Variants in BCORL1 observed in about 807,000 individuals in gnomAD.
BCORL1 encodes BCL-6 corepressor-like protein 1.
A neutral mutation model predicts 87.6 loss-of-function variants in BCORL1; 7 were observed. That is an observed-to-expected ratio of 0.08 (90% CI 0.05 to 0.15). The LOEUF (loss-of-function observed/expected upper bound fraction) is 0.15, where lower values mean the gene tolerates loss of function less well. Among genes scored for constraint, BCORL1 ranks in the 10% least tolerant of loss-of-function variants. The pLI is 1.00. For missense variants in BCORL1, 1,215 were observed against 1,499.7 expected, an observed-to-expected ratio of 0.81 and a Z score of 3.13; for synonymous variants, 591 against 634.4, an observed-to-expected ratio of 0.93 and a Z score of 1.03.
chrX:130,032,288 G>A (rs1439400955), intron 8 of BCORL1, among the ~76,000 whole-genome samples: 1 of 111,332 alleles, frequency 9.0e-6, no homozygotes, highest in Non-Finnish European at 1.9e-5. Context: ...TGGAGGATCT[G>A]CTTCTGGGGT....
Position 130,015,007 on chromosome X carries a change from C to G in BCORL1, c.2235C>G (p.Leu745=). 1 of 1,211,988 alleles carries G rather than the reference C, an allele frequency of 8.3e-7. No individual in the cohort carries two copies. The highest frequency in any genetic ancestry group is 1.1e-6 in the Non-Finnish European group (1 of 895,586). ...GCCTCAACCGTGACCCCCGCCATCT[C>G]CCCAAGCAGGAGCCCATCTCCATCA... ...NLGLNRDPRH[L]PKQEPISIID... The change falls in exon 4 of 14, where the codon CTC becomes CTG. Residue 745 remains leucine (L), a synonymous_variant. Coordinates refer to ENST00000540052, the MANE Select transcript of BCORL1 (RefSeq NM_001379451.1).
Position 130,015,558 on chromosome X carries a change from A to C in BCORL1, c.2786A>C (p.Gln929Pro). 1 of 1,212,314 alleles carries C rather than the reference A, an allele frequency of 8.2e-7. No homozygotes were observed. Among genetic ancestry groups the C allele is most frequent in the East Asian group, 3.0e-5 (1 of 33,870 alleles). Residue 929 changes from glutamine (Q) to proline (P), a missense_variant, in exon 4 of 14, where the codon CAG (glutamine) becomes CCG (proline). Physicochemically the swap from Gln to Pro is moderately conservative, Grantham distance 76 (BLOSUM62 -1). This residue lies in a region of BCORL1 where 861 missense variants were observed against 1,010.0 expected (regional missense o/e 0.85). Coordinates refer to ENST00000540052, the MANE Select transcript of BCORL1 (RefSeq NM_001379451.1). ...CCTGTCCTCTTGACCCTCAGCCCTCAGACTGGGACCCTGGCACTGTCTGTT... is the reference window on the plus strand; with the variant it reads ...CCTGTCCTCTTGACCCTCAGCCCTCCGACTGGGACCCTGGCACTGTCTGTT... Reference protein sequence around the residue: ...VNPVLLTLSPQTGTLALSVQP... With the variant: ...VNPVLLTLSPPTGTLALSVQP...
At chrX:130,036,873 C>T (rs191808612) in intron 9 of BCORL1, among the ~76,000 whole-genome samples, 349 of 111,728 alleles carry the variant, frequency 3.1e-3, no homozygotes, top group African/African-American at 0.01. Flanking sequence ...AGGCCAGGTG[C>T]GGTGGCTCAC....
chrX:129,991,880 G>A (rs1446583602), intron 1 of BCORL1, among the ~76,000 whole-genome samples: 1 of 94,533 alleles, frequency 1.1e-5, no homozygotes, highest in Non-Finnish European at 2.1e-5. Flanking sequence ...TGGTCAGGTT[G>A]GTCTCGAACC....
upstream of BCORL1, among the ~76,000 whole-genome samples, chrX:129,980,694 G>A (rs1259485699): frequency 9.1e-6 from 1 of 110,219 alleles, no homozygotes; most frequent in African/African-American, 3.3e-5. Context: ...CGGTGGCGTG[G>A]GCGCGGGCCG....
intron 2 of BCORL1, among the ~76,000 whole-genome samples, chrX:130,010,246 T>A (rs973432490): frequency 8.9e-6 from 1 of 112,037 alleles, no homozygotes. Context: ...CACCTTCCCA[T>A]GTGGGGTTGC....
chrX:130,017,543 T>C (rs1390482215), intron 4 of BCORL1, among the ~76,000 whole-genome samples: 1 of 111,194 alleles, frequency 9.0e-6, no homozygotes, highest in Non-Finnish European at 1.9e-5. Context: ...ATTACCCAGT[T>C]ACACAGCTAC....
Position 130,050,664 on chromosome X carries a change from A to C in BCORL1, c.4841-53A>C, listed in dbSNP as rs2124578884. 4 of 1,098,847 alleles carry C rather than the reference A, an allele frequency of 3.6e-6. No homozygotes were observed. In the East Asian group the frequency reaches 1.2e-4, roughly 33 times the overall value. 90.6% of individuals were successfully genotyped at this position (1,098,847 alleles called of 1,213,427 possible). A position where few individuals can be genotyped will look rare whatever the true frequency, so the allele number is the denominator to read the frequency against. ...CCGTATGCATGGACTTCACTTGGAC[A>C]TTCCTTCCCCAGCCTAACCTCCTTG... On this transcript the variant is annotated intron_variant, in intron 11 of 13. Transcript: ENST00000540052.
At chrX:129,981,072 G>C (rs780919675), upstream of BCORL1, 3 of 111,901 alleles carry the variant, frequency 2.7e-5, no homozygotes, top group Admixed American at 1.9e-4. Flanking sequence ...CGGGCTTCCC[G>C]GGCTCTGGCC....
At position 129,992,063 on chromosome X, in the gene BCORL1, G is replaced by A. The variant is rs761712380; in HGVS notation, c.-45+9301G>A. On this transcript the variant is annotated intron_variant, in intron 1 of 13. Coordinates refer to ENST00000540052, the MANE Select transcript of BCORL1 (RefSeq NM_001379451.1). Reference sequence around the variant, plus strand: ...CAGCTCACTGCAGCTTCGACCTCCCGAGCTCAAGTGATCTTCCCACTTCAT... The same window carrying A: ...CAGCTCACTGCAGCTTCGACCTCCCAAGCTCAAGTGATCTTCCCACTTCAT... 1.9e-4 allele frequency among the ~76,000 whole-genome samples: 21 copies of A among 109,633 alleles called. No homozygotes were observed. In the Middle Eastern group the frequency reaches 0.023, roughly 123 times the overall value.
intron 5 of BCORL1, among the ~76,000 whole-genome samples, chrX:130,021,794 T>TG (rs1290894020): frequency 9.0e-6 from 1 of 110,944 alleles, no homozygotes; most frequent in Non-Finnish European, 1.9e-5. Flanking sequence ...TCTGTTCTTT[T>TG]TTTTTTTGAG....
intron 5 of BCORL1, among the ~76,000 whole-genome samples, chrX:130,022,067 G>A (rs1569374582): frequency 1.8e-5 from 2 of 110,641 alleles, no homozygotes; most frequent in East Asian, 2.8e-4. Flanking sequence ...GATTACAGGC[G>A]TCAGCCACTG....
chrX:129,986,047 C>T (rs1331490204), intron 1 of BCORL1, among the ~76,000 whole-genome samples: 3 of 110,963 alleles, frequency 2.7e-5, no homozygotes, highest in Non-Finnish European at 3.8e-5. Context: ...GACAGGGTTT[C>T]GCCATGTTGG....
At chrX:130,007,621 C>T (rs1603096456) in intron 2 of BCORL1, among the ~76,000 whole-genome samples, 1 of 111,729 alleles carries the variant, frequency 9.0e-6, no homozygotes, top group African/African-American at 3.3e-5. Context: ...CATGGCGAAA[C>T]CCCGTCTCTA....
chrX:130,028,901 GCGGGGGGTCAGAGGAGGCAGGA>G, intron 8 of BCORL1, 40 bp downstream of exon 8: 1 of 636,774 alleles, frequency 1.6e-6, no homozygotes, highest in Non-Finnish European at 2.3e-6. Context: ...GGTGTGTGTG[GCGGGGGGTCAGAGGAGGCAGGA>G]GGGGGGTGGG....
intron 3 of BCORL1, 54 bp downstream of exon 3, chrX:130,012,722 C>A: frequency 9.1e-7 from 1 of 1,100,261 alleles, no homozygotes; most frequent in Non-Finnish European, 1.2e-6. Context: ...AGCTGAGCTG[C>A]CTGGGAGGTG....
chrX:130,032,981 T>C (rs1384999913), intron 8 of BCORL1, among the ~76,000 whole-genome samples: 1 of 109,381 alleles, frequency 9.1e-6, no homozygotes, highest in Admixed American at 9.9e-5. Context: ...CAGGCTAATC[T>C]CGAACTCCTG....
rs1932386196 is a variant in BCORL1, at chrX:130,056,267, A to G, written c.*131A>G. The G allele has an allele frequency of 1.4e-6, 1 of 700,744 alleles. No individual in the cohort carries two copies. The highest frequency in any genetic ancestry group is 3.7e-5 in the East Asian group (1 of 26,839). 57.7% of individuals were successfully genotyped at this position (700,744 alleles called of 1,213,427 possible). On this transcript the variant is annotated 3_prime_UTR_variant, in exon 14 of 14. Transcript: ENST00000540052. ...CGGACCAACAAGAAGCCGCCTTATCAATGCCAGCATTAGCGACTGGACTGT... is the reference window on the plus strand; with the variant it reads ...CGGACCAACAAGAAGCCGCCTTATCGATGCCAGCATTAGCGACTGGACTGT...
chrX:130,019,001 G>A (rs758497212), intron 4 of BCORL1, among the ~76,000 whole-genome samples: 2 of 112,079 alleles, frequency 1.8e-5, no homozygotes, highest in South Asian at 7.4e-4. Flanking sequence ...ATCCTAAAGG[G>A]CCTTCTGCAT....
Sources: gnomAD v4.1 joint callset for allele counts (sites outside exome capture counted in the v4.1 genomes callset) on GRCh38, gnomAD v4.1.1 for gene constraint, gnomAD v4.1.1 regional missense constraint, MANE v1.5 for transcripts, NCBI Gene and HGNC (gene_info 2026-07-23, HGNC 2026-07-21) for gene names.